The following MEI1 variants were observed in gnomAD, a reference collection of about 807,000 sequenced individuals.
MEI1 encodes meiotic double-stranded break formation protein 1, also known as meiosis inhibitor protein 1.
MEI1 carries 103 observed loss-of-function variants against 146.2 expected under a neutral mutation model. That is an observed-to-expected ratio of 0.70 (90% CI 0.60 to 0.83). The LOEUF (loss-of-function observed/expected upper bound fraction) is 0.83, where lower values mean the gene tolerates loss of function less well. Among genes scored for constraint, MEI1 ranks in the 40% least tolerant of loss-of-function variants. The pLI, the probability that MEI1 is intolerant of heterozygous loss-of-function variation, is 0.00. For missense variants in MEI1, 1,529 were observed against 1,533.0 expected (o/e 1.00, Z 0.04); for synonymous variants, 652 against 628.2 (o/e 1.04, Z -0.57).
intron 26 of MEI1, among the ~76,000 whole-genome samples, chr22:41,785,911 T>TCTA (rs2075962207): frequency 9.2e-6 from 1 of 108,802 alleles, no homozygotes; most frequent in Admixed American, 1.3e-4. Flanking sequence ...TTATTTTTTA[T>TCTA]TTTATTTTTT....
chr22:41,773,649 G>T (rs185637093), intron 20 of MEI1, among the ~76,000 whole-genome samples: 1,786 of 152,004 alleles, frequency 0.012, 34 homozygotes, highest in African/African-American at 0.041. Flanking sequence ...GCTGAGGCGG[G>T]TGGGTCACAA....
chr22:41,794,148 T>C (rs1160644710), intron 27 of MEI1, among the ~76,000 whole-genome samples: 2 of 152,210 alleles, frequency 1.3e-5, no homozygotes, highest in East Asian at 3.8e-4. Flanking sequence ...GCAGAGCCCT[T>C]CTTACTGCCT....
At chr22:41,794,007 G>T in intron 27 of MEI1, 97 bp downstream of exon 27, 1 of 1,143,546 alleles carries the variant, frequency 8.7e-7, no homozygotes. Context: ...TCCCTTGTGT[G>T]ACTCATACTT....
chr22:41,701,038 C>G (rs1486580081), intron 1 of MEI1, among the ~76,000 whole-genome samples: 1 of 150,910 alleles, frequency 6.6e-6, no homozygotes, highest in Non-Finnish European at 1.5e-5. Context: ...CTCCCGGGTT[C>G]AAGCGATTCT....
At chr22:41,749,532 C>G (rs894063669) in intron 15 of MEI1, among the ~76,000 whole-genome samples, 3 of 152,190 alleles carry the variant, frequency 2.0e-5, no homozygotes, top group African/African-American at 7.2e-5. Flanking sequence ...ACCTTGACCT[C>G]CCAAAGTGCT....
Position 41,795,832 on chromosome 22 carries a change from C to T in MEI1, c.3764C>T (p.Pro1255Leu), listed in dbSNP as rs1194131190. 1.2e-6 allele frequency: 2 copies of T among 1,613,576 alleles called. No individual in the cohort carries two copies. The highest frequency in any genetic ancestry group is 1.3e-5 in the African/African-American group (1 of 74,962). Residue 1255 changes from proline to leucine, a missense_variant, in exon 30 of 31, where the codon CCC becomes CTC. Pro to Leu is a moderately conservative substitution (Grantham distance 98, BLOSUM62 -3). Around this residue, in one of 3 missense-constraint regions of MEI1, gnomAD observed 313 missense variants for 337.3 expected, o/e 0.93. Coordinates refer to ENST00000401548, the MANE Select transcript of MEI1 (RefSeq NM_152513.4). The surrounding 1 kb of genome is among the most constrained non-coding windows in gnomAD (Gnocchi z 4.2). Reference protein sequence around the residue: ...LPPSTSSGQPPLQDMLCLGGV... With the variant: ...LPPSTSSGQPLLQDMLCLGGV... ...CCTAGCACCTCCTCAGGCCAGCCAC[C>T]CCTGCAGGACATGCTGTATCCTTTC...
intron 11 of MEI1, among the ~76,000 whole-genome samples, chr22:41,740,309 C>T (rs887042372): frequency 3.3e-5 from 5 of 151,954 alleles, no homozygotes; most frequent in East Asian, 3.9e-4. Context: ...TGATCCACCG[C>T]GCCCGGCCAA....
At chr22:41,724,903 A>G (rs571399006) in intron 7 of MEI1, among the ~76,000 whole-genome samples, 18 of 152,004 alleles carry the variant, frequency 1.2e-4, no homozygotes, top group African/African-American at 4.1e-4. Context: ...TCCTGGGCTC[A>G]AGCGATCCTC....
At chr22:41,731,637 C>T (rs1040288218) in intron 9 of MEI1, among the ~76,000 whole-genome samples, 1 of 152,174 alleles carries the variant, frequency 6.6e-6, no homozygotes, top group African/African-American at 2.4e-5. Context: ...GGATTACAGG[C>T]GTGAGTGCAC....
Position 41,784,427 on chromosome 22 carries a change from G to A in MEI1, c.3169+7G>A, listed in dbSNP as rs570590209. 14 of 1,613,696 alleles carry A rather than the reference G, an allele frequency of 8.7e-6. No individual in the cohort carries two copies. In the African/African-American group the frequency reaches 9.3e-5, roughly 11 times the overall value. The stretch of plus-strand genomic sequence containing the variant: ...AAGGCTGCACTACTCTCAGGTATGG[G>A]TCCACAAGTCTCCAGCAGAAGAAAA... On this transcript the variant is annotated splice_region_variant and intron_variant, in intron 25 of 30. Coordinates refer to ENST00000401548, the MANE Select transcript of MEI1 (RefSeq NM_152513.4).
intron 1 of MEI1, among the ~76,000 whole-genome samples, 160 bp from the exon 2 acceptor site, chr22:41,703,171 A>G (rs1217570094): frequency 1.3e-5 from 2 of 152,210 alleles, no homozygotes; most frequent in African/African-American, 4.8e-5. Flanking sequence ...CTCTGCGTAA[A>G]TGATATCCTT....
chr22:41,701,081 A>G (rs1316926630), intron 1 of MEI1, among the ~76,000 whole-genome samples: 1 of 151,664 alleles, frequency 6.6e-6, no homozygotes, highest in African/African-American at 2.4e-5. Flanking sequence ...CTGGGATTAC[A>G]TGCATGCGTC....
At chr22:41,722,308 T>G (rs2070924998) in intron 6 of MEI1, among the ~76,000 whole-genome samples, 1 of 151,884 alleles carries the variant, frequency 6.6e-6, no homozygotes, top group Admixed American at 6.6e-5. Context: ...TTTAATTTAC[T>G]TATTTTTAAA....
intron 3 of MEI1, among the ~76,000 whole-genome samples, chr22:41,712,234 TTTG>T (rs2069642928): frequency 7.1e-6 from 1 of 140,826 alleles, no homozygotes; most frequent in Admixed American, 7.6e-5. Flanking sequence ...GTTTTTTTTG[TTTG>T]TTTGTTTGTT....
Position 41,732,270 on chromosome 22 carries a change from G to T in MEI1, c.1122G>T (p.Leu374=). Residue 374 remains leucine (L), a synonymous_variant, in exon 10 of 31, where the codon CTG becomes CTT. Coordinates refer to ENST00000401548, the MANE Select transcript of MEI1 (RefSeq NM_152513.4). The stretch of plus-strand genomic sequence containing the variant: ...GGATCGAGGCAGTGGTGAGGAGCCT[G>T]CAGGGAAGCCTGAAGATGAACAACA... ...VYGIEAVVRS[L]QGSLKMNNIE... The T allele has an allele frequency of 1.2e-6, 2 of 1,611,554 alleles. No individual in the cohort carries two copies. Among genetic ancestry groups the T allele is most frequent in the Non-Finnish European group, 1.7e-6 (2 of 1,178,994 alleles).
At chr22:41,796,878 C>G (rs539867756) in intron 30 of MEI1, among the ~76,000 whole-genome samples, 1 of 151,830 alleles carries the variant, frequency 6.6e-6, no homozygotes, top group Non-Finnish European at 1.5e-5. Flanking sequence ...ATCGGGGATG[C>G]GGAGGGCAGT....
At chr22:41,716,215 C>A in intron 5 of MEI1, 69 bp downstream of exon 5, 1 of 1,073,584 alleles carries the variant, frequency 9.3e-7, no homozygotes, top group Non-Finnish European at 1.4e-6. Flanking sequence ...ATTTGGGTGT[C>A]CCATTCACTC....
chr22:41,724,550 G>A (rs372895523), intron 7 of MEI1, among the ~76,000 whole-genome samples: 5 of 151,660 alleles, frequency 3.3e-5, no homozygotes, highest in South Asian at 2.1e-4. Flanking sequence ...TCTGGGAGGC[G>A]GAGGTTGCAG....
rs779161476 is a variant in MEI1, at chr22:41,770,812, C to G, written c.2395C>G (p.Arg799Gly). 1 of 1,613,908 alleles carries G rather than the reference C, an allele frequency of 6.2e-7. No individual in the cohort carries two copies. The change falls in exon 20 of 31, where the codon CGT becomes GGT. Residue 799 changes from arginine to glycine, a missense_variant. Transcript: ENST00000401548. ...AGAGCTCATGAGTAGGTATGGGCAC[C>G]GTGTCCTGGAACTTTGGTTCTTCTG... ...YPELMSRYGH[R>G]VLELWFFWEE...
Sources: allele counts gnomAD v4.1 joint callset (sites outside exome capture counted in the v4.1 genomes callset), GRCh38; gene constraint gnomAD v4.1.1; regional missense constraint gnomAD v4.1.1; non-coding constraint Gnocchi (gnomAD v3.1); transcripts MANE v1.5; gene names NCBI Gene and HGNC (gene_info 2026-07-23, HGNC 2026-07-21).